Variants in DOCK5 observed in about 807,000 individuals in gnomAD.
DOCK5 encodes the protein dedicator of cytokinesis 5, also known as dedicator of cytokinesis protein 5.
DOCK5 carries 142 observed loss-of-function variants against 251.8 expected under a neutral mutation model. The observed-to-expected ratio is 0.56, with a 90% CI of 0.49 to 0.65. The LOEUF (loss-of-function observed/expected upper bound fraction) is 0.65, where lower values mean the gene tolerates loss of function less well. Among genes scored for constraint, DOCK5 ranks in the 30% least tolerant of loss-of-function variants. DOCK5 has a pLI of 0.00. For missense variants in DOCK5, 2,111 were observed against 2,312.3 expected, an observed-to-expected ratio of 0.91 and a Z score of 1.79; for synonymous variants, 842 against 835.5, an observed-to-expected ratio of 1.01 and a Z score of -0.13.
intron 31 of DOCK5, among the ~76,000 whole-genome samples, chr8:25,367,781 G>T (rs946842537): frequency 2.6e-5 from 4 of 152,138 alleles, no homozygotes; most frequent in Admixed American, 6.5e-5. Flanking sequence ...TAGAATGGAT[G>T]TATATTACCC....
At chr8:25,263,046 A>G (rs942761212) in intron 2 of DOCK5, among the ~76,000 whole-genome samples, 1 of 151,892 alleles carries the variant, frequency 6.6e-6, no homozygotes, top group Non-Finnish European at 1.5e-5. Context: ...CTTGAATAAT[A>G]TGTTTTTCTA....
At chr8:25,226,730 C>T (rs745892788) in intron 1 of DOCK5, among the ~76,000 whole-genome samples, 10 of 152,052 alleles carry the variant, frequency 6.6e-5, no homozygotes, top group Admixed American at 1.3e-4. Flanking sequence ...GGACTACAGG[C>T]GCCCGCCACC....
At chr8:25,389,985 GA>G (rs5890226) in intron 41 of DOCK5, among the ~76,000 whole-genome samples, 8 of 144,674 alleles carry the variant, frequency 5.5e-5, no homozygotes, top group Admixed American at 1.4e-4. Context: ...ATGTCTGACC[GA>G]AAAAAAAAAA....
At chr8:25,295,921 G>A (rs564293434) in intron 6 of DOCK5, among the ~76,000 whole-genome samples, 1 of 152,100 alleles carries the variant, frequency 6.6e-6, no homozygotes, top group Non-Finnish European at 1.5e-5. Flanking sequence ...CTGGGCTCAA[G>A]CCATCCTCAC....
intron 5 of DOCK5, among the ~76,000 whole-genome samples, chr8:25,283,692 G>A (rs1039159880): frequency 3.3e-5 from 5 of 152,082 alleles, no homozygotes; most frequent in Admixed American, 6.6e-5. Flanking sequence ...ATCCAAGGTC[G>A]CTTCCTTTGG....
chr8:25,396,220 A>G (rs917262797), intron 45 of DOCK5, among the ~76,000 whole-genome samples: 3 of 152,138 alleles, frequency 2.0e-5, no homozygotes, highest in Non-Finnish European at 4.4e-5. Context: ...TCTCTACTAA[A>G]AATACAAAAA....
intron 44 of DOCK5, 82 bp downstream of exon 44, chr8:25,392,964 G>A: frequency 1.6e-6 from 2 of 1,243,364 alleles, no homozygotes; most frequent in Non-Finnish European, 2.3e-6. Context: ...TCCCTCTGCA[G>A]TTCACACCAG....
At chr8:25,354,046 AAACAAAC>A (rs769104310) in intron 27 of DOCK5, among the ~76,000 whole-genome samples, 369 of 28,510 alleles carry the variant, frequency 0.013, 73 homozygotes, top group South Asian at 0.018. Context: ...AAAAAAAAAA[AAACAAAC>A]AAAAAAAAAA....
intron 1 of DOCK5, among the ~76,000 whole-genome samples, chr8:25,199,244 G>A (rs1801813803): frequency 1.3e-5 from 2 of 152,184 alleles, no homozygotes; most frequent in South Asian, 4.1e-4. Context: ...GATTATGTTA[G>A]TAACCTGGAT....
intron 51 of DOCK5, 56 bp downstream of exon 51, chr8:25,410,258 G>A: frequency 6.7e-7 from 1 of 1,496,602 alleles, no homozygotes; most frequent in Middle Eastern, 1.7e-4. Context: ...TGGGAAGGCA[G>A]CATCAGGTTT....
chr8:25,266,933 A>C (rs1803769608), intron 2 of DOCK5, among the ~76,000 whole-genome samples: 1 of 152,208 alleles, frequency 6.6e-6, no homozygotes, highest in Non-Finnish European at 1.5e-5. Context: ...CGTACAGATA[A>C]ATTCTTCTTT....
chr8:25,369,676 G>T (rs886908329), intron 34 of DOCK5, 35 bp downstream of exon 34: 31 of 1,551,664 alleles, frequency 2.0e-5, no homozygotes, highest in Non-Finnish European at 2.7e-5. Flanking sequence ...GAAGTCAGTG[G>T]TGTCATTTAG....
chr8:25,323,957 G>A lies in DOCK5; in HGVS notation c.1719+6G>A, dbSNP rs754425616. The A allele has an allele frequency of 1.9e-6, 3 of 1,602,740 alleles. No homozygotes were observed. The highest frequency in any genetic ancestry group is 1.1e-5 in the South Asian group (1 of 89,156). On this transcript the variant is annotated splice_donor_region_variant and intron_variant, in intron 17 of 51. Transcript: ENST00000276440. ...ACGATCTGGTGGTTTATAAGGTGGT[G>A]CTAACAGAAAATGGCTGAGAAAAAT...
At chr8:25,380,900 G>GAATGCCCAGTGGAGGCAGCACCACTCCA (rs1801054147) in intron 39 of DOCK5, among the ~76,000 whole-genome samples, 1 of 148,466 alleles carries the variant, frequency 6.7e-6, no homozygotes. Context: ...GCACCATTCC[G>GAATGCCCAGTGGAGGCAGCACCACTCCA]AATGCCCAGT....
At chr8:25,380,221 C>T in intron 38 of DOCK5, 84 bp from the exon 39 acceptor site, 1 of 1,250,042 alleles carries the variant, frequency 8.0e-7, no homozygotes, top group East Asian at 2.5e-5. Flanking sequence ...CTTGCTCATT[C>T]CCAGTGACTC....
intron 2 of DOCK5, among the ~76,000 whole-genome samples, chr8:25,260,324 A>T (rs747944400): frequency 3.9e-5 from 6 of 152,100 alleles, no homozygotes; most frequent in Non-Finnish European, 8.8e-5. Flanking sequence ...AACAGGATTT[A>T]GCACCTGCTC....
At chr8:25,285,241 G>T (rs763691139) in intron 5 of DOCK5, among the ~76,000 whole-genome samples, 3 of 152,112 alleles carry the variant, frequency 2.0e-5, no homozygotes, top group Non-Finnish European at 4.4e-5. Context: ...TGCCTCCAGG[G>T]TTCAAGCGAT....
At chr8:25,254,616 A>G (rs1231308702) in intron 2 of DOCK5, among the ~76,000 whole-genome samples, 1 of 151,796 alleles carries the variant, frequency 6.6e-6, no homozygotes, top group African/African-American at 2.4e-5. Flanking sequence ...TCTACTAAAA[A>G]TGCTAAAAAT....
At chr8:25,254,752 C>T (rs376734807) in intron 2 of DOCK5, among the ~76,000 whole-genome samples, 7 of 91,176 alleles carry the variant, frequency 7.7e-5, no homozygotes, top group Admixed American at 1.8e-4. Flanking sequence ...TCCAGCCTGG[C>T]GACAAAGCAA....
Sources: allele counts gnomAD v4.1 joint callset (sites outside exome capture counted in the v4.1 genomes callset), GRCh38; gene constraint gnomAD v4.1.1; transcripts MANE v1.5; gene names NCBI Gene and HGNC (gene_info 2026-07-23, HGNC 2026-07-21).